The following TAGLN3 variants were observed in gnomAD, a reference collection of about 807,000 sequenced individuals.
TAGLN3 encodes the protein transgelin 3.
A neutral mutation model predicts 25.4 loss-of-function variants in TAGLN3; 12 were observed. The ratio of observed to expected loss-of-function variants is 0.47; its 90% CI spans 0.30 to 0.77. The LOEUF is 0.77. Ranked by LOEUF, TAGLN3 falls within the 30% of genes least tolerant of loss-of-function variation. The probability of loss-of-function intolerance (pLI) is 0.06; values close to 1 mark genes in which losing one functional copy is unlikely to be tolerated. For synonymous variants in TAGLN3, 96 were observed against 94.8 expected, an observed-to-expected ratio of 1.01 and a Z score of -0.08; for missense variants, 218 against 255.8, an observed-to-expected ratio of 0.85 and a Z score of 1.01.
At chr3:111,999,389 T>G in intron 1 of TAGLN3, 32 bp from the exon 2 acceptor site, 2 of 1,607,762 alleles carry the variant, frequency 1.2e-6, no homozygotes, top group Non-Finnish European at 1.7e-6. Context: ...TGCTATTGTG[T>G]GGATGCCGCG....
At position 112,012,403 on chromosome 3, in the gene TAGLN3, A is replaced by G. The variant is rs192294667; in HGVS notation, c.458+538A>G. Among the ~76,000 whole-genome samples the G allele has an allele frequency of 9.1e-4, 139 of 152,136 alleles. 1 individual carries two copies. The highest frequency in any genetic ancestry group is 1.9e-3 in the South Asian group (9 of 4,806). On this transcript the variant is annotated intron_variant, in intron 4 of 4. Coordinates refer to ENST00000478951, the MANE Select transcript of TAGLN3 (RefSeq NM_001008272.2). ...CTATGTTGTCCCAGTATATCTATTA[A>G]TAGAACTCTCTTTCACTCTCAACAG...
At chr3:112,011,453 A>C (rs529305234) in intron 3 of TAGLN3, among the ~76,000 whole-genome samples, 1 of 152,272 alleles carries the variant, frequency 6.6e-6, no homozygotes, top group Non-Finnish European at 1.5e-5. Flanking sequence ...CCAAAGAGCA[A>C]AGTGAATACT....
At chr3:112,012,643 T>C (rs1236186934) in intron 4 of TAGLN3, among the ~76,000 whole-genome samples, 1 of 152,048 alleles carries the variant, frequency 6.6e-6, no homozygotes, top group African/African-American at 2.4e-5. Flanking sequence ...TACCAGCTTA[T>C]GTCATTTTAA....
intron 3 of TAGLN3, among the ~76,000 whole-genome samples, chr3:112,008,699 C>G (rs2072945877): frequency 6.6e-6 from 1 of 152,096 alleles, no homozygotes; most frequent in African/African-American, 2.4e-5. Flanking sequence ...CTTGTCAGTC[C>G]AAGAGTGCTG....
intron 2 of TAGLN3, 99 bp downstream of exon 2, chr3:111,999,701 C>A (rs2107718410): frequency 6.9e-7 from 1 of 1,454,018 alleles, no homozygotes; most frequent in Non-Finnish European, 9.3e-7. Context: ...CTGCTGTTGC[C>A]AAGCTCTATG....
intron 4 of TAGLN3, among the ~76,000 whole-genome samples, chr3:112,013,001 T>C (rs1446176133): frequency 6.6e-6 from 1 of 151,996 alleles, no homozygotes; most frequent in Admixed American, 6.5e-5. Context: ...TTCTTAGAAG[T>C]CTGAGATGGC....
At chr3:112,007,247 G>A (rs1042572818) in intron 3 of TAGLN3, among the ~76,000 whole-genome samples, 2 of 152,096 alleles carry the variant, frequency 1.3e-5, no homozygotes, top group African/African-American at 4.8e-5. Context: ...GCCTACATTG[G>A]CACATCATTA....
chr3:112,013,305 C>T (rs2072999005), intron 4 of TAGLN3, 105 bp from the exon 5 acceptor site: 1 of 1,426,102 alleles, frequency 7.0e-7, no homozygotes, highest in Non-Finnish European at 9.4e-7. Context: ...GTAGGACCTG[C>T]TGATCTATTT....
chr3:112,008,617 A>G (rs2072943631), intron 3 of TAGLN3, among the ~76,000 whole-genome samples: 1 of 152,072 alleles, frequency 6.6e-6, no homozygotes, highest in African/African-American at 2.4e-5. Flanking sequence ...ACTCTCATCC[A>G]ATGGTGCTTG....
intron 3 of TAGLN3, among the ~76,000 whole-genome samples, chr3:112,007,220 C>T (rs2072928064): frequency 6.6e-6 from 1 of 152,206 alleles, no homozygotes; most frequent in Admixed American, 6.6e-5. Context: ...GAAAGGAGCA[C>T]ATATTGCAAG....
At chr3:112,005,306 C>T (rs2072904370) in intron 3 of TAGLN3, among the ~76,000 whole-genome samples, 1 of 152,206 alleles carries the variant, frequency 6.6e-6, no homozygotes, top group Admixed American at 6.5e-5. Flanking sequence ...ATTAGTCATT[C>T]AGCAACTGAT....
At chr3:112,010,004 G>A (rs2072958920) in intron 3 of TAGLN3, among the ~76,000 whole-genome samples, 1 of 151,202 alleles carries the variant, frequency 6.6e-6, no homozygotes, top group South Asian at 2.1e-4. Flanking sequence ...GTTCTTATAA[G>A]TTCTTATATA....
intron 3 of TAGLN3, among the ~76,000 whole-genome samples, chr3:112,006,174 C>T (rs539888397): frequency 9.2e-4 from 140 of 152,214 alleles, no homozygotes; most frequent in Middle Eastern, 3.4e-3. Context: ...CAGCATGCAT[C>T]GGAATCACTA....
intron 2 of TAGLN3, among the ~76,000 whole-genome samples, chr3:112,000,181 C>A (rs1459193315): frequency 6.6e-6 from 1 of 152,204 alleles, no homozygotes; most frequent in South Asian, 2.1e-4. Context: ...CAAGCCCATC[C>A]TTTCCTGCAG....
rs1020880419 is a variant in TAGLN3 at position 112,013,558 on chromosome 3, G to C, written c.*7G>C. The C allele has an allele frequency of 6.2e-7, 1 of 1,614,050 alleles. No individual in the cohort carries two copies. The highest frequency in any genetic ancestry group is 8.5e-7 in the Non-Finnish European group (1 of 1,179,916). ...GCCCAGGCAGATCATGTAGGACGCG[G>C]CATCCTGCCCCTGGTAGAGAGGACG... On this transcript the variant is annotated 3_prime_UTR_variant, in exon 5 of 5. Coordinates refer to ENST00000478951, the MANE Select transcript of TAGLN3 (RefSeq NM_001008272.2).
chr3:112,000,813 A>G lies in TAGLN3; in HGVS notation c.222A>G (p.Gln74=). 1 of 1,614,198 alleles carries G rather than the reference A, an allele frequency of 6.2e-7. No homozygotes were observed. The highest frequency in any genetic ancestry group is 8.5e-7 in the Non-Finnish European group (1 of 1,180,030). Residue 74 remains glutamine (Q), a synonymous_variant, in exon 3 of 5, where the codon CAA becomes CAG. Transcript: ENST00000478951. ...TAAATAGTTTATACCCACCAGGACA[A>G]GAGCCCATACCCAAGATCTCAGAGT... The part of the protein sequence containing the change: ...KLINSLYPPG[Q]EPIPKISESK...
intron 3 of TAGLN3, among the ~76,000 whole-genome samples, chr3:112,006,594 A>T (rs2072919753): frequency 6.6e-6 from 1 of 152,234 alleles, no homozygotes; most frequent in Admixed American, 6.5e-5. Context: ...GTCAAGACTG[A>T]TATATAATAG....
intron 3 of TAGLN3, among the ~76,000 whole-genome samples, chr3:112,009,912 A>G (rs180958684): frequency 1.3e-5 from 2 of 152,068 alleles, no homozygotes; most frequent in South Asian, 2.1e-4. Context: ...TTAGCCGGCA[A>G]CTTAGTTCCC....
Position 111,999,562 on chromosome 3 carries a change from C to A in TAGLN3, c.140C>A (p.Pro47His), listed in dbSNP as rs1286851090. ...QCAEDIEHPPPGRAHFQKWLM... is the reference protein window; with the variant it reads ...QCAEDIEHPPHGRAHFQKWLM... ...GCCGAGGACATAGAGCACCCGCCCC[C>A]CGGCAGGGCCCATTTTCAGAAATGG... The change falls in exon 2 of 5, where the codon CCC becomes CAC. Residue 47 changes from proline (P) to histidine (H), a missense_variant. By Grantham distance (77) the Pro-to-His change is moderately conservative. Transcript: ENST00000478951. 6.2e-7 allele frequency: 1 copy of A among 1,614,156 alleles called. No individual in the cohort carries two copies. Among genetic ancestry groups the A allele is most frequent in the Non-Finnish European group, 8.5e-7 (1 of 1,180,020 alleles).
Sources: allele counts gnomAD v4.1 joint callset (sites outside exome capture counted in the v4.1 genomes callset), GRCh38; gene constraint gnomAD v4.1.1; transcripts MANE v1.5; gene names NCBI Gene and HGNC (gene_info 2026-07-23, HGNC 2026-07-21).